The following GMPS variants were observed in gnomAD, a reference collection of about 807,000 sequenced individuals.
GMPS encodes the protein GMP synthase [glutamine-hydrolyzing].
In GMPS, 15 loss-of-function variants were observed where a neutral mutation model predicts 77.9. That is an observed-to-expected ratio of 0.19 (90% CI 0.13 to 0.30). The LOEUF (loss-of-function observed/expected upper bound fraction) is 0.30, where lower values mean the gene tolerates loss of function less well. GMPS is among the 10% of genes least tolerant of loss of function. The pLI is 1.00. For missense variants in GMPS, 590 were observed against 838.8 expected (o/e 0.70, Z 3.66); for synonymous variants, 224 against 275.9 (o/e 0.81, Z 1.86).
intron 9 of GMPS, among the ~76,000 whole-genome samples, chr3:155,918,430 C>T (rs543873789): frequency 6.6e-6 from 1 of 152,212 alleles, no homozygotes; most frequent in Admixed American, 6.5e-5. Flanking sequence ...CCCGCCTGAG[C>T]GACAGAGCGA....
chr3:155,886,116 C>T (rs1356471677), intron 1 of GMPS, among the ~76,000 whole-genome samples: 1 of 151,840 alleles, frequency 6.6e-6, no homozygotes, highest in Non-Finnish European at 1.5e-5. Context: ...CTATGGCGCT[C>T]AGCCTTCAGT....
rs752560362 is a variant in GMPS, at chr3:155,936,509, A to G, written c.1979A>G (p.Glu660Gly). 6.3e-7 allele frequency: 1 copy of G among 1,576,264 alleles called. No individual in the cohort carries two copies. The highest frequency in any genetic ancestry group is 1.4e-5 in the African/African-American group (1 of 74,028). The stretch of plus-strand genomic sequence containing the variant: ...ACACCTGGCAATGAGATCCCTGTAG[A>G]GGTAATTTATATATTTTTTTCTAAT... ...PATPGNEIPV[E>G]VVLKMVTEIK... The change falls in exon 15 of 16, where the codon GAG becomes GGG. Residue 660 changes from glutamate (E) to glycine (G), a missense_variant and splice_region_variant. This residue lies in a region of GMPS where 73 missense variants were observed against 170.5 expected (regional missense o/e 0.43). Coordinates refer to ENST00000496455, the MANE Select transcript of GMPS (RefSeq NM_003875.3).
At chr3:155,933,701 G>A (rs932342007) in intron 13 of GMPS, among the ~76,000 whole-genome samples, 17 of 152,066 alleles carry the variant, frequency 1.1e-4, no homozygotes, top group African/African-American at 3.6e-4. Flanking sequence ...GATAGTTTCC[G>A]GGGAGATTTA....
rs1755817710 is a variant in GMPS, at chr3:155,938,553, CTT to C, written c.*862_*863del. 4.8e-6 allele frequency: 1 copy of C among 206,322 alleles called. No homozygotes were observed. Among genetic ancestry groups the C allele is most frequent in the Non-Finnish European group, 9.9e-6 (1 of 100,938 alleles). 12.8% of individuals were successfully genotyped at this position (206,322 alleles called of 1,614,324 possible). A position where few individuals can be genotyped will look rare whatever the true frequency, so the allele number is the denominator to read the frequency against. On this transcript the variant is annotated 3_prime_UTR_variant, in exon 16 of 16. Transcript: ENST00000496455. ...GAGGTCAAGAGGAGCATTTTCATCTCTTCTTTTGCTGGTCAGAGAAACGGTTC... is the reference window on the plus strand; with the variant it reads ...GAGGTCAAGAGGAGCATTTTCATCTCCTTTTGCTGGTCAGAGAAACGGTTC...
chr3:155,900,516 A>G (rs1200795697), intron 3 of GMPS, among the ~76,000 whole-genome samples: 1 of 152,100 alleles, frequency 6.6e-6, no homozygotes, highest in African/African-American at 2.4e-5. Context: ...AACATTTCCT[A>G]AGGAAGAATC....
intron 1 of GMPS, among the ~76,000 whole-genome samples, chr3:155,874,405 G>T (rs1436604934): frequency 6.6e-6 from 1 of 152,166 alleles, no homozygotes; most frequent in Middle Eastern, 3.2e-3. Context: ...TTAATTTTAA[G>T]TTTGGAATTT....
intron 9 of GMPS, among the ~76,000 whole-genome samples, chr3:155,917,670 T>G (rs1395747242): frequency 6.6e-6 from 1 of 151,968 alleles, no homozygotes; most frequent in African/African-American, 2.4e-5. Flanking sequence ...GTCGGGAGTT[T>G]GAGACCAGCC....
intron 12 of GMPS, among the ~76,000 whole-genome samples, chr3:155,930,462 T>G (rs1368061838): frequency 1.3e-5 from 2 of 148,774 alleles, no homozygotes; most frequent in African/African-American, 5.0e-5. Flanking sequence ...AAGGACTTCA[T>G]GTCCAAAACA....
intron 3 of GMPS, among the ~76,000 whole-genome samples, chr3:155,903,019 T>C (rs1389552559): frequency 6.6e-6 from 1 of 152,188 alleles, no homozygotes. Flanking sequence ...AATATGCTAC[T>C]CTGAGTTATA....
intron 11 of GMPS, among the ~76,000 whole-genome samples, chr3:155,924,457 G>A (rs1755401272): frequency 6.6e-6 from 1 of 152,192 alleles, no homozygotes; most frequent in South Asian, 2.1e-4. Flanking sequence ...ATTCAAAGAT[G>A]TCTGTGTTAT....
At chr3:155,917,147 A>G (rs1441093806) in intron 9 of GMPS, among the ~76,000 whole-genome samples, 3 of 151,912 alleles carry the variant, frequency 2.0e-5, no homozygotes, top group Admixed American at 2.0e-4. Flanking sequence ...CTAATTTTGT[A>G]TTTTTAGTAG....
intron 15 of GMPS, among the ~76,000 whole-genome samples, chr3:155,936,894 C>T (rs1387430174): frequency 6.6e-6 from 1 of 152,114 alleles, no homozygotes; most frequent in African/African-American, 2.4e-5. Flanking sequence ...AAATGTTCTC[C>T]CTACTACCAA....
chr3:155,923,207 G>A (rs1755361041), intron 11 of GMPS, among the ~76,000 whole-genome samples: 1 of 151,828 alleles, frequency 6.6e-6, no homozygotes, highest in South Asian at 2.1e-4. Context: ...TAAGTTCTGG[G>A]AATGAAAATA....
chr3:155,918,121 A>G (rs1755231404), intron 9 of GMPS, among the ~76,000 whole-genome samples: 1 of 151,962 alleles, frequency 6.6e-6, no homozygotes, highest in African/African-American at 2.4e-5. Flanking sequence ...GTTATTTTCT[A>G]TTTTTTTATG....
intron 3 of GMPS, among the ~76,000 whole-genome samples, chr3:155,898,481 A>C (rs1480835225): frequency 6.6e-6 from 1 of 152,208 alleles, no homozygotes; most frequent in East Asian, 1.9e-4. Flanking sequence ...AAAAGTTAAC[A>C]TTTACTCATT....
At chr3:155,924,472 C>T (rs151042128) in intron 11 of GMPS, among the ~76,000 whole-genome samples, 5 of 152,192 alleles carry the variant, frequency 3.3e-5, no homozygotes, top group African/African-American at 1.2e-4. Context: ...TGTTATTTGC[C>T]AGAAGGACAG....
In GMPS at chr3:155,931,863, G is replaced by A; in HGVS notation, c.1659G>A (p.Met553Ile). 9 of 1,522,694 alleles carry A rather than the reference G, an allele frequency of 5.9e-6. No homozygotes were observed. Among genetic ancestry groups the A allele is most frequent in the Non-Finnish European group, 8.2e-6 (9 of 1,097,262 alleles). The allele number at this position is 1,522,694 out of a possible 1,614,324, so 94.3% of individuals were successfully genotyped here. ...LIFLARLIPR[M>I]CHNVNRVVYI... ...TTCTGGCTAGGCTTATACCTCGCAT[G>A]TGTCACAACGTTAACAGGTGTGTTT... The change falls in exon 13 of 16, where the codon ATG (methionine) becomes ATA (isoleucine). Residue 553 changes from methionine to isoleucine, a missense_variant. Coordinates refer to ENST00000496455, the MANE Select transcript of GMPS (RefSeq NM_003875.3).
chr3:155,906,788 C>T (rs949009003), intron 5 of GMPS, among the ~76,000 whole-genome samples: 3 of 152,066 alleles, frequency 2.0e-5, no homozygotes, highest in African/African-American at 7.2e-5. Flanking sequence ...TAATAAAATA[C>T]AGGGACTGTG....
chr3:155,888,846 A>C (rs1406782260), intron 1 of GMPS, among the ~76,000 whole-genome samples: 1 of 135,872 alleles, frequency 7.4e-6, no homozygotes, highest in Non-Finnish European at 1.6e-5. Context: ...TGGCCTCCCA[A>C]AGTGCTGGGA....
Sources: gnomAD v4.1 joint callset for allele counts (sites outside exome capture counted in the v4.1 genomes callset) on GRCh38, gnomAD v4.1.1 for gene constraint, gnomAD v4.1.1 regional missense constraint, MANE v1.5 for transcripts, NCBI Gene and HGNC (gene_info 2026-07-23, HGNC 2026-07-21) for gene names.